Variants in SAMD12 observed in about 807,000 individuals in gnomAD.
SAMD12 encodes the protein sterile alpha motif domain-containing protein 12.
In SAMD12, 9 loss-of-function variants were observed where a neutral mutation model predicts 15.0. The observed-to-expected ratio is 0.60, with a 90% CI of 0.36 to 1.05. The LOEUF (loss-of-function observed/expected upper bound fraction) is 1.05. Ranked by LOEUF, SAMD12 falls within the 50% of genes least tolerant of loss-of-function variation. The pLI is 0.01. For missense variants in SAMD12, 230 were observed against 234.2 expected (o/e 0.98, Z 0.12); for synonymous variants, 86 against 90.1 (o/e 0.96, Z 0.25).
At chr8:118,284,047 C>T (rs721815) in intron 4 of SAMD12, among the ~76,000 whole-genome samples, 17,710 of 152,136 alleles carry the variant, frequency 0.12, 1,566 homozygotes, top group East Asian at 0.34. Context: ...ATAGCTTTCA[C>T]GACAATAAAA....
chr8:118,384,727 G>A (rs1025693993), intron 3 of SAMD12, among the ~76,000 whole-genome samples: 1 of 152,164 alleles, frequency 6.6e-6, no homozygotes, highest in Non-Finnish European at 1.5e-5. Context: ...GAATAAACAC[G>A]ACAGAATTAA....
At chr8:118,554,066 C>G (rs1056001869) in intron 2 of SAMD12, among the ~76,000 whole-genome samples, 12 of 151,782 alleles carry the variant, frequency 7.9e-5, no homozygotes, top group African/African-American at 2.7e-4. Context: ...GAAATAGGAA[C>G]ACTTTTACAC....
chr8:118,150,313 T>G, the SAMD12 span, among the ~76,000 whole-genome samples: 1 of 152,242 alleles, frequency 6.6e-6, no homozygotes, highest in African/African-American at 2.4e-5. Flanking sequence ...TTATTCTCCC[T>G]GCCCTTATAC....
At chr8:118,164,893 T>C in the SAMD12 span, among the ~76,000 whole-genome samples, 4 of 151,920 alleles carry the variant, frequency 2.6e-5, no homozygotes, top group African/African-American at 9.7e-5. Context: ...CACATATGCA[T>C]ATATGGAATG....
chr8:118,171,781 CTGA>C, the SAMD12 span, among the ~76,000 whole-genome samples: 3 of 146,224 alleles, frequency 2.1e-5, no homozygotes, highest in African/African-American at 2.6e-5. Flanking sequence ...TAAAATTAGA[CTGA>C]TGATTGCTTG....
intron 4 of SAMD12, among the ~76,000 whole-genome samples, chr8:118,351,428 C>T (rs1481466970): frequency 6.6e-6 from 1 of 152,200 alleles, no homozygotes; most frequent in Non-Finnish European, 1.5e-5. Context: ...GAAAGTGAGG[C>T]TAGGAAAAGA....
At chr8:118,602,994 ATGC>A (rs1410542017) in intron 1 of SAMD12, among the ~76,000 whole-genome samples, 2 of 152,170 alleles carry the variant, frequency 1.3e-5, no homozygotes, top group African/African-American at 2.4e-5. Flanking sequence ...ACAAAATAGG[ATGC>A]TGAATTTTTT....
the SAMD12 span, among the ~76,000 whole-genome samples, chr8:118,154,944 C>T: frequency 1.3e-5 from 2 of 152,206 alleles, no homozygotes; most frequent in South Asian, 2.1e-4. Context: ...AGCAAACAGG[C>T]ATAAAACCAG....
intron 4 of SAMD12, among the ~76,000 whole-genome samples, chr8:118,370,763 A>G (rs371423224): frequency 6.6e-6 from 1 of 152,180 alleles, no homozygotes; most frequent in East Asian, 1.9e-4. Context: ...GGAGGGGAAC[A>G]ACACACACTG....
intron 1 of SAMD12, among the ~76,000 whole-genome samples, chr8:118,592,590 C>T (rs1039659663): frequency 3.9e-5 from 6 of 152,112 alleles, no homozygotes; most frequent in African/African-American, 7.2e-5. Context: ...TTAGTCAATA[C>T]ATAGAAAGTG....
chr8:118,349,214 C>T (rs1383984939), intron 4 of SAMD12, among the ~76,000 whole-genome samples: 1 of 152,156 alleles, frequency 6.6e-6, no homozygotes, highest in Non-Finnish European at 1.5e-5. Context: ...TGCCTTAACA[C>T]CTTTTGTTTA....
chr8:118,164,811 GTA>G, the SAMD12 span, among the ~76,000 whole-genome samples: 18 of 149,070 alleles, frequency 1.2e-4, no homozygotes, highest in East Asian at 3.9e-4. Flanking sequence ...GTCTCTCTCT[GTA>G]TATATATATA....
the SAMD12 span, among the ~76,000 whole-genome samples, chr8:118,176,652 T>C: frequency 1.3e-5 from 2 of 152,110 alleles, no homozygotes; most frequent in Non-Finnish European, 2.9e-5. Flanking sequence ...ATGAAGTCTA[T>C]TTGAGGATGG....
the SAMD12 span, among the ~76,000 whole-genome samples, chr8:118,160,833 G>T: frequency 6.6e-6 from 1 of 151,998 alleles, no homozygotes; most frequent in Non-Finnish European, 1.5e-5. Context: ...GGGTACATGT[G>T]CACAACGTGC....
intron 4 of SAMD12, among the ~76,000 whole-genome samples, chr8:118,337,810 G>A (rs1817157925): frequency 6.6e-6 from 1 of 152,200 alleles, no homozygotes; most frequent in African/African-American, 2.4e-5. Flanking sequence ...CCAAAGAGAA[G>A]CCGTACATTG....
chr8:118,267,189 A>T (rs1813224165), intron 4 of SAMD12, among the ~76,000 whole-genome samples: 1 of 152,142 alleles, frequency 6.6e-6, no homozygotes, highest in South Asian at 2.1e-4. Context: ...AGGGTACATG[A>T]GCAATTTACT....
intron 1 of SAMD12, among the ~76,000 whole-genome samples, chr8:118,593,562 A>G (rs2131283938): frequency 6.6e-6 from 1 of 152,332 alleles, no homozygotes; most frequent in South Asian, 2.1e-4. Context: ...TTCTGTAGCC[A>G]CATGTGGCTG....
chr8:118,160,348 C>G, the SAMD12 span, among the ~76,000 whole-genome samples: 3 of 152,128 alleles, frequency 2.0e-5, no homozygotes, highest in Non-Finnish European at 4.4e-5. Context: ...CAGTGAAAAT[C>G]CATAAGACTT....
At chr8:118,509,443 C>T (rs61072506) in intron 2 of SAMD12, among the ~76,000 whole-genome samples, 8,560 of 152,104 alleles carry the variant, frequency 0.056, 764 homozygotes, top group African/African-American at 0.19. Context: ...TTTCATAAAC[C>T]ACTTCCCCGA....
Sources: allele counts gnomAD v4.1 joint callset (sites outside exome capture counted in the v4.1 genomes callset), GRCh38; gene constraint gnomAD v4.1.1; transcripts MANE v1.5; gene names NCBI Gene and HGNC (gene_info 2026-07-23, HGNC 2026-07-21).